CTDSP2: variants seen among roughly 807,000 people sequenced by gnomAD.
CTDSP2 encodes CTD small phosphatase 2.
Under a neutral mutation model 31.6 loss-of-function variants are expected in CTDSP2, and 9 were observed. The observed-to-expected ratio is 0.28, with a 90% CI of 0.17 to 0.50. CTDSP2 has a LOEUF of 0.50. CTDSP2 is among the 20% of genes least tolerant of loss of function. The pLI is 0.98. For synonymous variants in CTDSP2, 134 were observed against 134.5 expected (o/e 1.00, Z 0.03); for missense variants, 267 against 348.5 (o/e 0.77, Z 1.86).
chr12:57,838,590 C>T (rs1018322461), intron 1 of CTDSP2, among the ~76,000 whole-genome samples: 2 of 152,200 alleles, frequency 1.3e-5, no homozygotes, highest in Admixed American at 1.3e-4. Flanking sequence ...CTTTCCCTTC[C>T]AGGTATGTAG....
chr12:57,827,485 G>A (rs1279386934), intron 3 of CTDSP2, 67 bp downstream of exon 3: 2 of 1,556,108 alleles, frequency 1.3e-6, no homozygotes. Context: ...ACATCACCCT[G>A]CCCGTGGAGC....
chr12:57,824,210 C>T lies in CTDSP2; in HGVS notation c.504+17G>A, dbSNP rs1956168300. ...CACCACACCCACTCCTGGTTCTTCCCTCTCACCCCTAGGTACCTTGGCCAG... is the reference window on the plus strand; with the variant it reads ...CACCACACCCACTCCTGGTTCTTCCTTCTCACCCCTAGGTACCTTGGCCAG... On this transcript the variant is annotated intron_variant, in intron 6 of 7. Coordinates refer to ENST00000398073, the MANE Select transcript of CTDSP2 (RefSeq NM_005730.4). 8 of 1,613,240 alleles carry T rather than the reference C, an allele frequency of 5.0e-6. No individual in the cohort carries two copies. The East Asian group carries it at 1.1e-4, about 22-fold the overall frequency.
chr12:57,839,029 G>A (rs12304988), intron 1 of CTDSP2, among the ~76,000 whole-genome samples: 6,018 of 152,252 alleles, frequency 0.04, 375 homozygotes, highest in African/African-American at 0.14. Flanking sequence ...CCACAAAAAC[G>A]AATCAGTCGC....
Position 57,820,800 on chromosome 12 carries a change from C to T in CTDSP2, c.*2802G>A, listed in dbSNP as rs1956140174. 6.6e-6 allele frequency: 1 copy of T among 152,216 alleles called. No individual in the cohort carries two copies. The highest frequency in any genetic ancestry group is 1.5e-5 in the Non-Finnish European group (1 of 68,064). 9.4% of individuals were successfully genotyped at this position (152,216 alleles called of 1,614,324 possible). A position where few individuals can be genotyped will look rare whatever the true frequency, so the allele number is the denominator to read the frequency against. ...CCCTTTTCCAAACTGGTCCTGTGTCCAAAGCTCCCCCTATGAGAGGGACAC... is the reference window on the plus strand; with the variant it reads ...CCCTTTTCCAAACTGGTCCTGTGTCTAAAGCTCCCCCTATGAGAGGGACAC... On this transcript the variant is annotated 3_prime_UTR_variant, in exon 8 of 8. Transcript: ENST00000398073.
At chr12:57,841,084 G>A (rs900761143) in intron 1 of CTDSP2, among the ~76,000 whole-genome samples, 1 of 152,178 alleles carries the variant, frequency 6.6e-6, no homozygotes, top group Non-Finnish European at 1.5e-5. Flanking sequence ...AGATTTGCGT[G>A]TTAATGTGCT....
At chr12:57,839,528 C>G (rs772311007) in intron 1 of CTDSP2, among the ~76,000 whole-genome samples, 13 of 152,118 alleles carry the variant, frequency 8.5e-5, no homozygotes, top group African/African-American at 7.2e-5. Flanking sequence ...ACCATCCTGG[C>G]TAACACAGTG....
rs140743126 is a variant in CTDSP2 at position 57,833,117 on chromosome 12, C to T, written c.65-3521G>A. Among the ~76,000 whole-genome samples the T allele has an allele frequency of 2.2e-3, 335 of 152,256 alleles. 4 individuals are homozygous for T. Among genetic ancestry groups the T allele is most frequent in the African/African-American group, 7.5e-3 (313 of 41,526 alleles). Reference sequence around the variant, plus strand: ...GCCTGGGCTTTTCCTGAAGAGAGGCCGTCAGGAATGCACTCAGCATCTTAG... The same window carrying T: ...GCCTGGGCTTTTCCTGAAGAGAGGCTGTCAGGAATGCACTCAGCATCTTAG... On this transcript the variant is annotated intron_variant, in intron 1 of 7. Coordinates refer to ENST00000398073, the MANE Select transcript of CTDSP2 (RefSeq NM_005730.4).
chr12:57,831,028 G>A lies in CTDSP2; in HGVS notation c.65-1432C>T, dbSNP rs536756636. 2.3e-4 allele frequency among the ~76,000 whole-genome samples: 34 copies of A among 149,604 alleles called. 1 individual carries two copies. The highest frequency in any genetic ancestry group is 3.4e-3 in the Middle Eastern group (1 of 294). On this transcript the variant is annotated intron_variant, in intron 1 of 7. Coordinates refer to ENST00000398073, the MANE Select transcript of CTDSP2 (RefSeq NM_005730.4). ...CTTCCAAAGTGCTGGGATTACAGGCGTGAGCCACTGCGCCTGGCCACAAAG... is the reference window on the plus strand; with the variant it reads ...CTTCCAAAGTGCTGGGATTACAGGCATGAGCCACTGCGCCTGGCCACAAAG...
intron 1 of CTDSP2, chr12:57,842,857 G>C (rs932489923): frequency 6.6e-6 from 1 of 152,224 alleles, no homozygotes; most frequent in Admixed American, 6.5e-5. Flanking sequence ...CAAGTTAAAG[G>C]CTTGCCTACA....
chr12:57,832,155 C>G (rs1956219445), intron 1 of CTDSP2, among the ~76,000 whole-genome samples: 1 of 152,228 alleles, frequency 6.6e-6, no homozygotes, highest in South Asian at 2.1e-4. Context: ...CTCTCTCTCT[C>G]TCCTCCCTGG....
chr12:57,839,378 TCACCTGAAGCATG>T (rs1490492404), intron 1 of CTDSP2, among the ~76,000 whole-genome samples: 1 of 152,144 alleles, frequency 6.6e-6, no homozygotes, highest in Non-Finnish European at 1.5e-5. Flanking sequence ...AAAGGTGGCT[TCACCTGAAGCATG>T]CACCTGAATC....
chr12:57,826,747 G>A (rs1363445663), intron 4 of CTDSP2, among the ~76,000 whole-genome samples: 1 of 152,180 alleles, frequency 6.6e-6, no homozygotes, highest in Non-Finnish European at 1.5e-5. Context: ...ATGTGGCTCG[G>A]GGGCAGATGC....
In CTDSP2 at chr12:57,823,075, T is replaced by C. The variant is rs1432076314; in HGVS notation, c.*527A>G. The stretch of plus-strand genomic sequence containing the variant: ...TCTCATCTTCCCAGAAATGTGATCT[T>C]TTGTCTGCAGCAGCTGGCTGGAGAA... On this transcript the variant is annotated 3_prime_UTR_variant, in exon 8 of 8. Transcript: ENST00000398073. The C allele has an allele frequency of 6.4e-6, 1 of 156,688 alleles. No homozygotes were observed. The highest frequency in any genetic ancestry group is 2.4e-5 in the African/African-American group (1 of 41,514). The allele number at this position is 156,688 out of a possible 1,614,324, so 9.7% of individuals were successfully genotyped here. A position where few individuals can be genotyped will look rare whatever the true frequency, so the allele number is the denominator to read the frequency against.
intron 1 of CTDSP2, among the ~76,000 whole-genome samples, chr12:57,841,002 T>G (rs947940012): frequency 1.3e-5 from 2 of 152,212 alleles, no homozygotes; most frequent in Non-Finnish European, 2.9e-5. Context: ...TTCTATTTGG[T>G]CTCTGGTCCA....
At chr12:57,832,430 A>G (rs1458142815) in intron 1 of CTDSP2, among the ~76,000 whole-genome samples, 4 of 152,174 alleles carry the variant, frequency 2.6e-5, no homozygotes, top group Non-Finnish European at 5.9e-5. Flanking sequence ...CTCATATAGG[A>G]GGACTGCTCA....
rs551933546 is a variant in CTDSP2 at position 57,836,352 on chromosome 12, A to T, written c.65-6756T>A. On this transcript the variant is annotated intron_variant, in intron 1 of 7. Transcript: ENST00000398073. ...CCACTACTCTCAAGAAGTACCAGGT[A>T]AGGACACTATTTGCCCCTATGCATG... Among the ~76,000 whole-genome samples the T allele has an allele frequency of 2.6e-5, 4 of 152,332 alleles. No homozygotes were observed. In the South Asian group the frequency reaches 6.2e-4, roughly 24 times the overall value.
intron 1 of CTDSP2, among the ~76,000 whole-genome samples, chr12:57,843,994 C>G (rs1020074233): frequency 2.6e-5 from 4 of 152,058 alleles, no homozygotes; most frequent in African/African-American, 9.7e-5. Flanking sequence ...GGAGTCGAGA[C>G]CAGCCTGGGC....
At chr12:57,826,852 C>G in intron 4 of CTDSP2, 144 bp downstream of exon 4, 1 of 635,544 alleles carries the variant, frequency 1.6e-6, no homozygotes, top group South Asian at 1.9e-5. Context: ...ACCTGTGACA[C>G]AGGGTGGCCA....
At chr12:57,833,215 G>C (rs548258132) in intron 1 of CTDSP2, among the ~76,000 whole-genome samples, 9 of 152,362 alleles carry the variant, frequency 5.9e-5, no homozygotes, top group African/African-American at 2.2e-4. Context: ...TGGGGGCATG[G>C]AAAGGCCTGG....
Sources: allele counts gnomAD v4.1 joint callset (sites outside exome capture counted in the v4.1 genomes callset), GRCh38; gene constraint gnomAD v4.1.1; transcripts MANE v1.5; gene names NCBI Gene and HGNC (gene_info 2026-07-23, HGNC 2026-07-21).